Variants in VSIG2 observed in about 807,000 individuals in gnomAD.
The protein encoded by VSIG2 is V-set and immunoglobulin domain-containing protein 2.
Under a neutral mutation model 29.4 loss-of-function variants are expected in VSIG2, and 30 were observed. The ratio of observed to expected loss-of-function variants is 1.02; its 90% CI spans 0.76 to 1.38. VSIG2 has a LOEUF of 1.38. Among genes scored for constraint, VSIG2 ranks in the 40% most tolerant of loss-of-function variants. The pLI is 0.00. For missense variants in VSIG2, 421 were observed against 400.8 expected, an observed-to-expected ratio of 1.05 and a Z score of -0.43; for synonymous variants, 178 against 174.2, an observed-to-expected ratio of 1.02 and a Z score of -0.17.
At chr11:124,750,124 T>C (rs531406551) in intron 3 of VSIG2, among the ~76,000 whole-genome samples, 1 of 152,362 alleles carries the variant, frequency 6.6e-6, no homozygotes, top group African/African-American at 2.4e-5. Context: ...TTTCAGTTCC[T>C]GCCCTTTGGG....
At chr11:124,750,213 G>A (rs910595982) in intron 3 of VSIG2, among the ~76,000 whole-genome samples, 2 of 152,172 alleles carry the variant, frequency 1.3e-5, no homozygotes, top group Admixed American at 6.5e-5. Flanking sequence ...ACACCCATCC[G>A]AGGCCTTCTC....
rs1352184773 is a variant in VSIG2, at chr11:124,750,809, A to G, written c.332T>C (p.Val111Ala). ...VGVATLKLTD[V>A]HPSDTGTYLC... Reference sequence around the variant, plus strand: ...GTAGGTTCCAGTATCTGAGGGGTGGACGTCAGTCAGTTTCAGTGTGGCCAC... The same window carrying G: ...GTAGGTTCCAGTATCTGAGGGGTGGGCGTCAGTCAGTTTCAGTGTGGCCAC... Residue 111 changes from valine to alanine, a missense_variant, in exon 3 of 7, where the codon GTC (valine) becomes GCC (alanine). Coordinates refer to ENST00000326621, the MANE Select transcript of VSIG2 (RefSeq NM_014312.5). 6.2e-7 allele frequency: 1 copy of G among 1,613,942 alleles called. No individual in the cohort carries two copies. The highest frequency in any genetic ancestry group is 8.5e-7 in the Non-Finnish European group (1 of 1,179,968).
rs985251385 is a variant in VSIG2 at position 124,747,632 on chromosome 11, G to A, written c.887C>T (p.Thr296Ile). Residue 296 changes from threonine to isoleucine, a missense_variant, in exon 7 of 7, where the codon ACT becomes ATT. Thr to Ile is a moderately conservative substitution (Grantham distance 89). Coordinates refer to ENST00000326621, the MANE Select transcript of VSIG2 (RefSeq NM_014312.5). ...DAIAPGISEH[T>I]CMRADSSKGF... The stretch of plus-strand genomic sequence containing the variant: ...CTTGCTAGAATCAGCCCTCATACAA[G>A]TGTGCTCAGAGATCCCAGGAGCGAT... 2 of 1,613,892 alleles carry A rather than the reference G, an allele frequency of 1.2e-6. No homozygotes were observed. Among genetic ancestry groups the A allele is most frequent in the African/African-American group, 2.7e-5 (2 of 75,010 alleles).
At chr11:124,747,944 C>T (rs956291419) in intron 6 of VSIG2, among the ~76,000 whole-genome samples, 10 of 152,226 alleles carry the variant, frequency 6.6e-5, no homozygotes, top group African/African-American at 2.4e-4. Flanking sequence ...CTATCCTAGA[C>T]CCTGACTGGC....
intron 3 of VSIG2, among the ~76,000 whole-genome samples, chr11:124,750,387 T>G (rs552321052): frequency 6.6e-6 from 1 of 152,306 alleles, no homozygotes; most frequent in East Asian, 1.9e-4. Flanking sequence ...GCCATTGACC[T>G]TGGGAGGGAC....
intron 2 of VSIG2, 122 bp from the exon 3 acceptor site, chr11:124,751,043 C>G (rs775322729): frequency 2.9e-4 from 295 of 1,029,516 alleles, no homozygotes; most frequent in Non-Finnish European, 3.9e-4. Context: ...AGGCTGATAC[C>G]CTTAAGCTGG....
Position 124,747,496 on chromosome 11 carries a change from T to C in VSIG2, c.*39A>G, listed in dbSNP as rs370596267. 111 of 1,583,264 alleles carry C rather than the reference T, an allele frequency of 7.0e-5. No individual in the cohort carries two copies. The highest frequency in any genetic ancestry group is 8.7e-5 in the Non-Finnish European group (102 of 1,166,392). On this transcript the variant is annotated 3_prime_UTR_variant, in exon 7 of 7. Coordinates refer to ENST00000326621, the MANE Select transcript of VSIG2 (RefSeq NM_014312.5). ...GTATGGTACCCACAGACTTTAATTA[T>C]TGATATTCCCCCTCACCGCCCTCAG...
At chr11:124,750,231 T>C (rs1347217978) in intron 3 of VSIG2, among the ~76,000 whole-genome samples, 1 of 152,234 alleles carries the variant, frequency 6.6e-6, no homozygotes, top group Non-Finnish European at 1.5e-5. Context: ...CTCTTTTCCA[T>C]CTAAACACTG....
In VSIG2 at chr11:124,748,632, C is replaced by G. The variant is rs1944044566; in HGVS notation, c.706+12G>C. The G allele has an allele frequency of 6.2e-7, 1 of 1,610,666 alleles. No homozygotes were observed. The highest frequency in any genetic ancestry group is 8.5e-7 in the Non-Finnish European group (1 of 1,177,876). On this transcript the variant is annotated intron_variant, in intron 5 of 6. Coordinates refer to ENST00000326621, the MANE Select transcript of VSIG2 (RefSeq NM_014312.5). ...CAAGGCTGCTGGCCTGGCCTCCACCCAGCATCCCTACCGGTCACAGAGAGG... is the reference window on the plus strand; with the variant it reads ...CAAGGCTGCTGGCCTGGCCTCCACCGAGCATCCCTACCGGTCACAGAGAGG...
intron 6 of VSIG2, chr11:124,748,142 AG>A: frequency 4.0e-6 from 2 of 494,520 alleles, no homozygotes; most frequent in Non-Finnish European, 7.1e-6. Flanking sequence ...AAATATGAGG[AG>A]GGGCAGGGCA....
Position 124,748,705 on chromosome 11 carries a change from G to T in VSIG2, c.645C>A (p.Tyr215Ter). 1 of 1,614,204 alleles carries T rather than the reference G, an allele frequency of 6.2e-7. No individual in the cohort carries two copies. The highest frequency in any genetic ancestry group is 8.5e-7 in the Non-Finnish European group (1 of 1,180,040). ...CCATCTGGTTGGTGGCCACACAGCG[G>T]TAGGTGCCCGAGGAGGTCAGGGAGA... ...TNLSLTSSGT[Y>*]RCVATNQMGS... is the part of the protein sequence containing the mutation. Residue 215 changes from tyrosine to a stop codon, truncating the protein, a stop_gained, in exon 5 of 7, where the codon TAC (tyrosine) becomes TAA (stop). Coordinates refer to ENST00000326621, the MANE Select transcript of VSIG2 (RefSeq NM_014312.5). LOFTEE classifies it high-confidence loss of function.
Position 124,749,728 on chromosome 11 carries a change from G to A in VSIG2, c.566C>T (p.Ser189Phe). ...CTTACCTTGAACCATGCTGCCAGGA[G>A]AAGGTGTAGGAAAAGTTCCAAGACG... ...WVRLGTFPTP[S>F]PGSMVQDEVS... The change falls in exon 4 of 7, where the codon TCT becomes TTT. Residue 189 changes from serine to phenylalanine, a missense_variant. Physicochemically the swap from Ser to Phe is radical, Grantham distance 155 (BLOSUM62 -2). Transcript: ENST00000326621. 1 of 1,613,434 alleles carries A rather than the reference G, an allele frequency of 6.2e-7. No individual in the cohort carries two copies. The highest frequency in any genetic ancestry group is 8.5e-7 in the Non-Finnish European group (1 of 1,179,850).
chr11:124,751,986 G>T (rs1591426620), intron 1 of VSIG2, 91 bp downstream of exon 1: 6 of 1,405,276 alleles, frequency 4.3e-6, no homozygotes, highest in African/African-American at 1.5e-5. Flanking sequence ...GCCTCATCTG[G>T]CCTGGCGGGG....
intron 6 of VSIG2, 58 bp downstream of exon 6, chr11:124,748,332 G>T (rs1167877226): frequency 2.8e-5 from 42 of 1,526,904 alleles, no homozygotes; most frequent in Admixed American, 1.8e-4. Context: ...GCAGGCACCC[G>T]CTTTTAACTC....
rs1423153764 is a variant in VSIG2 at position 124,751,689 on chromosome 11, ACAACCCTCTCCCCT to A, written c.62-123_62-110del. 6 of 1,222,636 alleles carry A rather than the reference ACAACCCTCTCCCCT, an allele frequency of 4.9e-6. No individual in the cohort carries two copies. In the African/African-American group the frequency reaches 7.6e-5, roughly 16 times the overall value. The allele number at this position is 1,222,636 out of a possible 1,614,324, so 75.7% of individuals were successfully genotyped here. ...AAGCTGGGGGCTCCCTCCCCAGAGC[ACAACCCTCTCCCCT>A]CAATCCAACCCCTCCCTTCCCAAAA... is the stretch of plus-strand genomic sequence containing the variant. On this transcript the variant is annotated intron_variant, in intron 1 of 6. Coordinates refer to ENST00000326621, the MANE Select transcript of VSIG2 (RefSeq NM_014312.5).
In VSIG2 at chr11:124,748,474, A is replaced by C; in HGVS notation, c.767T>G (p.Leu256Arg). 2.5e-6 allele frequency: 4 copies of C among 1,614,130 alleles called. No individual in the cohort carries two copies. Among genetic ancestry groups the C allele is most frequent in the Non-Finnish European group, 3.4e-6 (4 of 1,180,020 alleles). ...GACCAGGCAGAACGCAGCAACTGAC[A>C]GCAACAGCACGCCCAGGAGCACCCC... ...LIGVLLGVLL[L>R]SVAAFCLVRF... The change falls in exon 6 of 7, where the codon CTG (leucine) becomes CGG (arginine). Residue 256 changes from leucine to arginine, a missense_variant. Physicochemically the swap from Leu to Arg is moderately radical, Grantham distance 102. Transcript: ENST00000326621.
In VSIG2 at chr11:124,750,736, C is replaced by T; in HGVS notation, c.405G>A (p.Gly135=). 1.2e-6 allele frequency: 2 copies of T among 1,613,952 alleles called. No individual in the cohort carries two copies. The highest frequency in any genetic ancestry group is 2.2e-5 in the East Asian group (1 of 44,868). Residue 135 remains glycine, a synonymous_variant, in exon 3 of 7, where the codon GGG becomes GGA. Transcript: ENST00000326621. ...TACCCAGCACAGTAAGGTTGATTAG[C>T]CCCAACCCATTGGTGTAGAAATCTG... is the stretch of plus-strand genomic sequence containing the variant. ...NPPDFYTNGL[G]LINLTVLVPP...
chr11:124,752,185 G>A lies in VSIG2; in HGVS notation c.-48C>T. ...CTGCTCCTGCCAGGTGGGCGGTCAA[G>A]GTCGGTCTGGGTGTCGGGCAGGGAA... On this transcript the variant is annotated 5_prime_UTR_variant, in exon 1 of 7. Coordinates refer to ENST00000326621, the MANE Select transcript of VSIG2 (RefSeq NM_014312.5). The A allele has an allele frequency of 3.3e-6, 5 of 1,507,878 alleles. No homozygotes were observed. Among genetic ancestry groups the A allele is most frequent in the East Asian group, 2.4e-5 (1 of 41,064 alleles). The allele number at this position is 1,507,878 out of a possible 1,614,324, so 93.4% of individuals were successfully genotyped here. A position where few individuals can be genotyped will look rare whatever the true frequency, so the allele number is the denominator to read the frequency against.
At chr11:124,750,604 C>T in intron 3 of VSIG2, 110 bp downstream of exon 3, 2 of 1,206,884 alleles carry the variant, frequency 1.7e-6, no homozygotes. Flanking sequence ...GCCCCCAGTG[C>T]AGTTGTGTGC....
Sources: gnomAD v4.1 joint callset for allele counts (sites outside exome capture counted in the v4.1 genomes callset) on GRCh38, gnomAD v4.1.1 for gene constraint, MANE v1.5 for transcripts, NCBI Gene and HGNC (gene_info 2026-07-23, HGNC 2026-07-21) for gene names.